Variants in PCDHGA8 observed in about 807,000 individuals in gnomAD.
The protein encoded by PCDHGA8 is protocadherin gamma subfamily A, 8.
Under a neutral mutation model 59.2 loss-of-function variants are expected in PCDHGA8, and 45 were observed. The observed-to-expected ratio is 0.76, with a 90% CI of 0.60 to 0.98. The LOEUF (loss-of-function observed/expected upper bound fraction) is 0.98, where lower values mean the gene tolerates loss of function less well. Among genes scored for constraint, PCDHGA8 ranks in the 50% least tolerant of loss-of-function variants. The probability of loss-of-function intolerance (pLI) is 0.00; values close to 1 mark genes in which losing one functional copy is unlikely to be tolerated. For missense variants in PCDHGA8, 1,257 were observed against 1,196.2 expected (o/e 1.05, Z -0.75); for synonymous variants, 531 against 519.0 (o/e 1.02, Z -0.32).
chr5:141,408,869 AG>A, intron 1 of PCDHGA8: 1 of 1,613,690 alleles, frequency 6.2e-7, no homozygotes, highest in Non-Finnish European at 8.5e-7. Context: ...CCCACCAAGA[AG>A]TGCCACCGCT....
Position 141,423,601 on chromosome 5 carries a change from C to T in PCDHGA8, c.2424+28364C>T, listed in dbSNP as rs372165060. On this transcript the variant is annotated intron_variant, in intron 1 of 3. Transcript: ENST00000398604. The stretch of plus-strand genomic sequence containing the variant: ...GGAGAGCTGTGAGAAAAGCGAGCCA[C>T]TCTTGATAGCTGAAGACTCAGCTAT... The T allele has an allele frequency of 1.9e-6, 3 of 1,612,586 alleles. No homozygotes were observed. Among genetic ancestry groups the T allele is most frequent in the Admixed American group, 1.7e-5 (1 of 59,924 alleles).
At chr5:141,415,422 G>A (rs769839324) in intron 1 of PCDHGA8, 3 of 1,614,204 alleles carry the variant, frequency 1.9e-6, no homozygotes, top group East Asian at 2.2e-5. Context: ...GCGTGGACGG[G>A]GTTCGGGCTT....
intron 1 of PCDHGA8, chr5:141,421,294 A>G (rs779984795): frequency 1.9e-6 from 3 of 1,613,304 alleles, no homozygotes; most frequent in Non-Finnish European, 2.5e-6. Context: ...TTTCCTGGGG[A>G]CGCTGCGGGG....
Position 141,485,715 on chromosome 5 carries a change from A to G in PCDHGA8, c.2425-9092A>G. The G allele has an allele frequency of 6.2e-7, 1 of 1,614,114 alleles. No homozygotes were observed. Among genetic ancestry groups the G allele is most frequent in the Non-Finnish European group, 8.5e-7 (1 of 1,180,012 alleles). On this transcript the variant is annotated intron_variant, in intron 1 of 3. Transcript: ENST00000398604. The surrounding 1 kb of genome is among the most constrained non-coding windows in gnomAD (Gnocchi z 5.7). ...AGCTCCAATGAACACTTTGCACTGGATGTGAAGAAGCGCAGCGACGGCAGC... is the reference window on the plus strand; with the variant it reads ...AGCTCCAATGAACACTTTGCACTGGGTGTGAAGAAGCGCAGCGACGGCAGC...
In PCDHGA8 at chr5:141,431,819, A is replaced by C. The variant is rs2097420237; in HGVS notation, c.2424+36582A>C. On this transcript the variant is annotated intron_variant, in intron 1 of 3. Transcript: ENST00000398604. The surrounding 1 kb of genome is among the most constrained non-coding windows in gnomAD (Gnocchi z 4.8). ...AGAAGTGGTCCTCACCTCTCTCGCC[A>C]GCTCGGTTCCCGAAAACTCTCCCAG... 6.2e-7 allele frequency: 1 copy of C among 1,614,154 alleles called. No individual in the cohort carries two copies. Among genetic ancestry groups the C allele is most frequent in the Admixed American group, 1.7e-5 (1 of 60,018 alleles).
rs1014896576 is a variant in PCDHGA8, at chr5:141,512,427, C to T, written c.*1254C>T. 6.5e-6 allele frequency: 1 copy of T among 152,788 alleles called. No individual in the cohort carries two copies. Among genetic ancestry groups the T allele is most frequent in the African/African-American group, 2.4e-5 (1 of 41,460 alleles). The allele number at this position is 152,788 out of a possible 1,614,324, so 9.5% of individuals were successfully genotyped here. A position where few individuals can be genotyped will look rare whatever the true frequency, so the allele number is the denominator to read the frequency against. On this transcript the variant is annotated 3_prime_UTR_variant, in exon 4 of 4. Transcript: ENST00000398604. ...GGGCTTCTTCAACAGGGCCCCTGCC[C>T]TCCTGAAGCCTCAGTCCTTCACCTT...
Position 141,404,436 on chromosome 5 carries a change from C to T in PCDHGA8, c.2424+9199C>T. On this transcript the variant is annotated intron_variant, in intron 1 of 3. Transcript: ENST00000398604. Reference sequence around the variant, plus strand: ...GTTATTTACTCCTTGGCAGAGGATACCATCCAAGGGTCTCCTCTCTCCACC... The same window carrying T: ...GTTATTTACTCCTTGGCAGAGGATATCATCCAAGGGTCTCCTCTCTCCACC... 1.9e-6 allele frequency: 3 copies of T among 1,612,706 alleles called. No individual in the cohort carries two copies. In the East Asian group the frequency reaches 6.7e-5, roughly 36 times the overall value.
chr5:141,418,669 C>G, intron 1 of PCDHGA8: 1 of 1,614,018 alleles, frequency 6.2e-7, no homozygotes, highest in Non-Finnish European at 8.5e-7. Flanking sequence ...CTGACCAGGA[C>G]GAGGGCATCA....
chr5:141,427,671 A>T (rs1441504057), intron 1 of PCDHGA8: 1 of 798,486 alleles, frequency 1.3e-6, no homozygotes, highest in East Asian at 2.6e-5. Flanking sequence ...GGCCGAAAAC[A>T]ACCTTCCCGG....
chr5:141,409,198 A>T, intron 1 of PCDHGA8: 1 of 1,614,010 alleles, frequency 6.2e-7, no homozygotes, highest in South Asian at 1.1e-5. Flanking sequence ...CCCAGTGTAA[A>T]GTAATCATAG....
At chr5:141,478,395 T>C in intron 1 of PCDHGA8, 1 of 1,613,510 alleles carries the variant, frequency 6.2e-7, no homozygotes, top group Non-Finnish European at 8.5e-7. Flanking sequence ...TACCATCAGG[T>C]GTATCTCACC....
chr5:141,410,455 T>G (rs2095396076), intron 1 of PCDHGA8: 3 of 1,613,914 alleles, frequency 1.9e-6, no homozygotes, highest in African/African-American at 2.7e-5. Flanking sequence ...TGCCTTATTC[T>G]TATAATCTGT....
intron 1 of PCDHGA8, chr5:141,409,876 C>A: frequency 6.2e-7 from 1 of 1,612,874 alleles, no homozygotes. Flanking sequence ...GCAATGACAA[C>A]GCACCGCGGG....
At chr5:141,460,546 C>A (rs182506898) in intron 1 of PCDHGA8, among the ~76,000 whole-genome samples, 51 of 152,152 alleles carry the variant, frequency 3.4e-4, no homozygotes, top group African/African-American at 1.1e-3. Context: ...GCACCTTAAT[C>A]AAAAATCATT....
At chr5:141,464,580 G>A (rs1459502164) in intron 1 of PCDHGA8, among the ~76,000 whole-genome samples, 1 of 152,118 alleles carries the variant, frequency 6.6e-6, no homozygotes, top group East Asian at 1.9e-4. Context: ...AGATGAGAAT[G>A]TCCATTGTCC....
rs2099641707 is a variant in PCDHGA8 at position 141,487,238 on chromosome 5, C to T, written c.2425-7569C>T. 1.2e-6 allele frequency: 2 copies of T among 1,614,056 alleles called. No individual in the cohort carries two copies. The highest frequency in any genetic ancestry group is 1.7e-6 in the Non-Finnish European group (2 of 1,180,022). On this transcript the variant is annotated intron_variant, in intron 1 of 3. Transcript: ENST00000398604. This position sits in a 1 kb window ranked among gnomAD's most constrained non-coding sequence, Gnocchi z 5.0. ...AGCTCCAAGGGAAGGAGAATCTCGT[C>T]TAACCCTCTACTTGGCTGTGTCCCT...
intron 2 of PCDHGA8, among the ~76,000 whole-genome samples, chr5:141,504,741 T>C (rs968590796): frequency 2.6e-5 from 4 of 151,826 alleles, no homozygotes; most frequent in South Asian, 2.1e-4. Context: ...TAGGAAGCCA[T>C]TGAATTTTAG....
At chr5:141,428,099 C>G (rs1304120001) in intron 1 of PCDHGA8, 4 of 1,608,710 alleles carry the variant, frequency 2.5e-6, no homozygotes, top group Non-Finnish European at 2.5e-6. Flanking sequence ...TGTCCTACCA[C>G]GTGCTGCAGG....
intron 1 of PCDHGA8, chr5:141,405,407 CTT>C (rs762612492): frequency 6.3e-7 from 1 of 1,581,924 alleles, no homozygotes; most frequent in African/African-American, 1.4e-5. Flanking sequence ...TCTTTCTTTT[CTT>C]TTTTTGTTTT....
Sources: gnomAD v4.1 joint callset for allele counts (sites outside exome capture counted in the v4.1 genomes callset) on GRCh38, gnomAD v4.1.1 for gene constraint, Gnocchi (gnomAD v3.1) non-coding constraint, MANE v1.5 for transcripts, NCBI Gene and HGNC (gene_info 2026-07-23, HGNC 2026-07-21) for gene names.